Variants in PRCP observed in about 807,000 individuals in gnomAD.
The protein encoded by PRCP is prolylcarboxypeptidase.
A neutral mutation model predicts 54.2 loss-of-function variants in PRCP; 46 were observed. That is an observed-to-expected ratio of 0.85 (90% CI 0.67 to 1.09). The LOEUF (loss-of-function observed/expected upper bound fraction) is 1.09. Ranked by LOEUF, PRCP falls within the 50% of genes least tolerant of loss-of-function variation. The pLI is 0.00. For synonymous variants in PRCP, 240 were observed against 212.2 expected (o/e 1.13, Z -1.14); for missense variants, 613 against 596.8 (o/e 1.03, Z -0.28).
intron 1 of PRCP, among the ~76,000 whole-genome samples, chr11:82,870,395 G>A (rs963285648): frequency 2.0e-4 from 31 of 152,166 alleles, no homozygotes; most frequent in Admixed American, 1.8e-3. Flanking sequence ...GTGATGCTGC[G>A]AGATCCTGGG....
At chr11:82,849,478 A>G (rs895362799) in intron 5 of PRCP, among the ~76,000 whole-genome samples, 1 of 152,228 alleles carries the variant, frequency 6.6e-6, no homozygotes, top group Middle Eastern at 3.2e-3. Context: ...TAGAACAACA[A>G]GAATACATAA....
chr11:82,892,415 C>A (rs1005645055), intron 1 of PRCP, among the ~76,000 whole-genome samples: 2 of 151,728 alleles, frequency 1.3e-5, no homozygotes, highest in African/African-American at 4.8e-5. Context: ...AATTGTGAAC[C>A]AGAAAGAAAA....
At position 82,852,180 on chromosome 11, in the gene PRCP, C is replaced by T. The variant is rs543640873; in HGVS notation, c.411+997G>A. Among the ~76,000 whole-genome samples the T allele has an allele frequency of 3.9e-5, 6 of 152,258 alleles. No individual in the cohort carries two copies. The South Asian group carries it at 1.2e-3, about 32-fold the overall frequency. On this transcript the variant is annotated intron_variant, in intron 3 of 8. Coordinates refer to ENST00000313010, the MANE Select transcript of PRCP (RefSeq NM_005040.4). ...CTTAATCAGATATTTACGCAAAATA[C>T]CAAGCTAAAGAATAGAATTTCCCAT... is the stretch of plus-strand genomic sequence containing the variant.
Position 82,824,900 on chromosome 11 carries a change from AG to A in PRCP, c.*5del, listed in dbSNP as rs1168917897. 1.2e-6 allele frequency: 2 copies of A among 1,611,498 alleles called. No homozygotes were observed. Among genetic ancestry groups the A allele is most frequent in the Non-Finnish European group, 1.7e-6 (2 of 1,178,278 alleles). Reference sequence around the variant, plus strand: ...AAAGAAGAAATTGAAAACAATCAAAAGTTTCTCAGTGCTGCTTTCCCGCACT... The same window carrying A: ...AAAGAAGAAATTGAAAACAATCAAAATTTCTCAGTGCTGCTTTCCCGCACT... On this transcript the variant is annotated 3_prime_UTR_variant, in exon 9 of 9. Coordinates refer to ENST00000313010, the MANE Select transcript of PRCP (RefSeq NM_005040.4).
chr11:82,859,511 G>C (rs942679454), intron 2 of PRCP, among the ~76,000 whole-genome samples: 2 of 151,896 alleles, frequency 1.3e-5, no homozygotes, highest in African/African-American at 4.8e-5. Flanking sequence ...TTACCTTCTA[G>C]AGACCATAAT....
At position 82,839,262 on chromosome 11, in the gene PRCP, T is replaced by G. The variant is rs202173773; in HGVS notation, c.1085A>C (p.Gln362Pro). 6.0e-5 allele frequency: 97 copies of G among 1,611,088 alleles called. No homozygotes were observed. Among genetic ancestry groups the G allele is most frequent in the Non-Finnish European group, 8.5e-6 (10 of 1,179,312 alleles). Residue 362 changes from glutamine (Q) to proline (P), a missense_variant and splice_region_variant, in exon 7 of 9, where the codon CAG becomes CCG. Transcript: ENST00000313010. ...SSLGTLGWSY[Q>P]ACTEVVMPFC... is the part of the protein sequence containing the mutation. ...CTTGGGGAAATTATACATATTTACC[T>G]GATAGCTCCAACCCAGTGTTCCCAG...
intron 1 of PRCP, among the ~76,000 whole-genome samples, chr11:82,884,202 T>C (rs943206027): frequency 6.6e-6 from 1 of 152,220 alleles, no homozygotes; most frequent in Non-Finnish European, 1.5e-5. Context: ...TTAAATTAGA[T>C]TATTCAATCA....
upstream of PRCP, chr11:82,900,779 TACCATTATCATCACCACCAA>T (rs1860267271): frequency 4.2e-6 from 2 of 472,692 alleles, no homozygotes; most frequent in African/African-American, 3.9e-5. Context: ...CCAATATCCC[TACCATTATCATCACCACCAA>T]ACCCTGCCCT....
chr11:82,831,020 T>C (rs1429603680), intron 8 of PRCP: 1 of 92,330 alleles, frequency 1.1e-5, no homozygotes, highest in Non-Finnish European at 2.0e-5. Context: ...ATGTGAAAGC[T>C]AAACCAGTCA....
intron 2 of PRCP, among the ~76,000 whole-genome samples, chr11:82,855,230 C>A (rs529502743): frequency 1.3e-5 from 2 of 152,220 alleles, no homozygotes; most frequent in Non-Finnish European, 2.9e-5. Context: ...AAACTATCAA[C>A]AGAGTAAACA....
intron 3 of PRCP, among the ~76,000 whole-genome samples, chr11:82,850,931 T>C (rs76980151): frequency 0.035 from 5,388 of 152,268 alleles, 126 homozygotes; most frequent in Non-Finnish European, 0.052. Context: ...CTCACCCTTC[T>C]TCATCGGAAA....
intron 1 of PRCP, among the ~76,000 whole-genome samples, chr11:82,874,704 A>AG (rs1373394950): frequency 1.3e-4 from 20 of 148,622 alleles, no homozygotes; most frequent in East Asian, 3.9e-4. Flanking sequence ...AAAAAAAAAA[A>AG]AAAAAGAAAA....
At chr11:82,878,750 C>A (rs1313771147) in intron 1 of PRCP, among the ~76,000 whole-genome samples, 1 of 152,184 alleles carries the variant, frequency 6.6e-6, no homozygotes, top group African/African-American at 2.4e-5. Context: ...GTGACAAAAT[C>A]TCTCAGCATT....
intron 1 of PRCP, among the ~76,000 whole-genome samples, chr11:82,861,187 C>T (rs1039798996): frequency 6.6e-6 from 1 of 152,034 alleles, no homozygotes; most frequent in Non-Finnish European, 1.5e-5. Context: ...GTAAAAAATT[C>T]AACATTTAAC....
At chr11:82,859,046 C>T (rs996225411) in intron 2 of PRCP, among the ~76,000 whole-genome samples, 1 of 152,168 alleles carries the variant, frequency 6.6e-6, no homozygotes, top group Admixed American at 6.5e-5. Flanking sequence ...AGGCATTGTG[C>T]CAGACACTGG....
At chr11:82,858,389 T>C (rs1054958429) in intron 2 of PRCP, 1 of 152,206 alleles carries the variant, frequency 6.6e-6, no homozygotes, top group Non-Finnish European at 1.5e-5. Context: ...CAAATTAATG[T>C]CCAGCAGTGA....
intron 1 of PRCP, among the ~76,000 whole-genome samples, chr11:82,872,770 T>C (rs1859508905): frequency 1.3e-5 from 2 of 152,164 alleles, no homozygotes; most frequent in Non-Finnish European, 2.9e-5. Context: ...GCCTCCTAGT[T>C]TGTGATACTC....
chr11:82,888,260 C>A (rs1161968552), intron 1 of PRCP, among the ~76,000 whole-genome samples: 2 of 152,140 alleles, frequency 1.3e-5, no homozygotes. Context: ...TTTCTCCTAA[C>A]CTGTGTGGTC....
At chr11:82,848,140 C>T (rs921708331) in intron 6 of PRCP, among the ~76,000 whole-genome samples, 5 of 152,136 alleles carry the variant, frequency 3.3e-5, no homozygotes, top group Admixed American at 6.5e-5. Context: ...ATTTGAAACC[C>T]GGCTCTATAT....
Sources: gnomAD v4.1 joint callset for allele counts (sites outside exome capture counted in the v4.1 genomes callset) on GRCh38, gnomAD v4.1.1 for gene constraint, MANE v1.5 for transcripts, NCBI Gene and HGNC (gene_info 2026-07-23, HGNC 2026-07-21) for gene names.